The following MYH9 variants were observed in gnomAD, a reference collection of about 807,000 sequenced individuals.
MYH9 encodes myosin heavy chain 9, also known as myosin-9.
In MYH9, 29 loss-of-function variants were observed where a neutral mutation model predicts 241.9. The observed-to-expected ratio is 0.12, with a 90% CI of 0.09 to 0.16. MYH9 has a LOEUF of 0.16. Ranked by LOEUF, MYH9 falls within the 10% of genes least tolerant of loss-of-function variation. MYH9 has a pLI of 1.00. For synonymous variants in MYH9, 1,047 were observed against 1,062.6 expected (o/e 0.99, Z 0.29); for missense variants, 1,803 against 2,595.5 (o/e 0.69, Z 6.63).
chr22:36,339,260 A>G (rs2017546405), intron 3 of MYH9, among the ~76,000 whole-genome samples: 1 of 152,190 alleles, frequency 6.6e-6, no homozygotes, highest in Non-Finnish European at 1.5e-5. Context: ...ATCCCAATCC[A>G]GGATCCAAGT....
chr22:36,327,578 G>C (rs1266638859), intron 3 of MYH9, 90 bp from the exon 4 acceptor site: 7 of 1,453,590 alleles, frequency 4.8e-6, no homozygotes, highest in Non-Finnish European at 6.7e-6. Context: ...CCCAGACAGG[G>C]AGCACAGTGT....
At chr22:36,331,732 C>A (rs1032877136) in intron 3 of MYH9, among the ~76,000 whole-genome samples, 6 of 152,240 alleles carry the variant, frequency 3.9e-5, no homozygotes, top group Non-Finnish European at 7.3e-5. Flanking sequence ...CAAGATCACA[C>A]CTCCCGAGGT....
rs1048122512 is a variant in MYH9, at chr22:36,296,787, A to G, written c.3272+56T>C. On this transcript the variant is annotated intron_variant, in intron 25 of 40. Transcript: ENST00000216181. ...GTGCCGAGAACTAGGGCCAGCAGCA[A>G]GCAGGAAGGGCTGGCCCAGGCCACC... The G allele has an allele frequency of 5.9e-6, 9 of 1,536,758 alleles. No individual in the cohort carries two copies. In the African/African-American group the frequency reaches 1.1e-4, roughly 19 times the overall value.
chr22:36,328,425 C>T (rs1340962061), intron 3 of MYH9, among the ~76,000 whole-genome samples: 2 of 152,192 alleles, frequency 1.3e-5, no homozygotes, highest in Admixed American at 1.3e-4. Context: ...TTTTATCCCG[C>T]CCCATCTAAT....
At chr22:36,287,602 C>T (rs1166978195) in intron 34 of MYH9, among the ~76,000 whole-genome samples, 1 of 152,092 alleles carries the variant, frequency 6.6e-6, no homozygotes, top group Non-Finnish European at 1.5e-5. Context: ...ATTAGCCGGG[C>T]GTGGCGGCGT....
chr22:36,318,121 A>G, intron 11 of MYH9, 86 bp downstream of exon 11: 1 of 1,175,282 alleles, frequency 8.5e-7, no homozygotes. Flanking sequence ...CGGACACCCC[A>G]GGATGGCCCA....
At position 36,296,916 on chromosome 22, in the gene MYH9, G is replaced by T. The variant is rs2016797192; in HGVS notation, c.3199C>A (p.Leu1067Ile). Residue 1067 changes from leucine (L) to isoleucine (I), a missense_variant, in exon 25 of 41, where the codon CTC (leucine) becomes ATC (isoleucine). By Grantham distance (5) the Leu-to-Ile change is conservative (BLOSUM62 2). Transcript: ENST00000216181. ...STDLSDQIAE[L>I]QAQIAELKMQ... ...TTGAGCTCCGCGATCTGGGCCTGGA[G>T]CTCGGCGATCTGGTCGCTGAGGTCT... 1 of 1,613,924 alleles carries T rather than the reference G, an allele frequency of 6.2e-7. No individual in the cohort carries two copies. Among genetic ancestry groups the T allele is most frequent in the Non-Finnish European group, 8.5e-7 (1 of 1,179,970 alleles).
chr22:36,313,978 C>T (rs1172526510), intron 13 of MYH9, among the ~76,000 whole-genome samples, 167 bp downstream of exon 13: 1 of 152,334 alleles, frequency 6.6e-6, no homozygotes, highest in African/African-American at 2.4e-5. Context: ...CCACCCAGGC[C>T]TCCCAGGCAC....
chr22:36,307,623 C>T (rs1371939161), intron 15 of MYH9, among the ~76,000 whole-genome samples: 1 of 152,182 alleles, frequency 6.6e-6, no homozygotes, highest in Non-Finnish European at 1.5e-5. Context: ...CATGGTGGCT[C>T]GCGCCTGTAA....
In MYH9 at chr22:36,288,689, C is replaced by A; in HGVS notation, c.4770+38G>T. On this transcript the variant is annotated intron_variant, in intron 33 of 40. Coordinates refer to ENST00000216181, the MANE Select transcript of MYH9 (RefSeq NM_002473.6). The surrounding 1 kb of genome is among the most constrained non-coding windows in gnomAD (Gnocchi z 4.8). ...AGAAGCCTGCGTGAAGCCAAGGCAG[C>A]CTTGGGCACCCATGGGGTAGCAGGA... 1 of 1,598,784 alleles carries A rather than the reference C, an allele frequency of 6.3e-7. No individual in the cohort carries two copies. Among genetic ancestry groups the A allele is most frequent in the South Asian group, 1.1e-5 (1 of 91,044 alleles).
chr22:36,289,651 C>T (rs1448392404), intron 31 of MYH9, among the ~76,000 whole-genome samples: 1 of 152,228 alleles, frequency 6.6e-6, no homozygotes, highest in African/African-American at 2.4e-5. Context: ...ATTTGGTTGG[C>T]ACTTTTCACG....
chr22:36,376,715 C>T (rs1177676444), intron 1 of MYH9, among the ~76,000 whole-genome samples: 3 of 152,214 alleles, frequency 2.0e-5, no homozygotes, highest in Non-Finnish European at 4.4e-5. Context: ...GAAGAGGTCA[C>T]TAACCGGCAT....
At chr22:36,336,641 AACCG>A (rs1482418302) in intron 3 of MYH9, among the ~76,000 whole-genome samples, 1 of 152,218 alleles carries the variant, frequency 6.6e-6, no homozygotes, top group East Asian at 1.9e-4. Flanking sequence ...CAGGAGGGTG[AACCG>A]ACCATGTCAC....
intron 24 of MYH9, among the ~76,000 whole-genome samples, chr22:36,298,079 T>C (rs1006942379): frequency 4.5e-4 from 69 of 152,228 alleles, no homozygotes; most frequent in African/African-American, 1.6e-3. Flanking sequence ...TCTCTCTGTG[T>C]CCGGACCTCT....
Position 36,349,021 on chromosome 22 carries a change from G to T in MYH9, c.216C>A (p.Ile72=). 8 of 1,614,200 alleles carry T rather than the reference G, an allele frequency of 5.0e-6. No homozygotes were observed. Among genetic ancestry groups the T allele is most frequent in the Non-Finnish European group, 6.8e-6 (8 of 1,180,026 alleles). The change falls in exon 2 of 41, where the codon ATC becomes ATA. Residue 72 remains isoleucine (I), a synonymous_variant. Coordinates refer to ENST00000216181, the MANE Select transcript of MYH9 (RefSeq NM_002473.6). ...GKKVKVNKDD[I]QKMNPPKFSK... is the part of the protein sequence containing the mutation. The stretch of plus-strand genomic sequence containing the variant: ...AGAACTTGGGCGGGTTCATCTTCTG[G>T]ATGTCATCCTTGTTCACCTTCACCT...
Position 36,285,640 on chromosome 22 carries a change from A to G in MYH9, c.5274+18T>C. On this transcript the variant is annotated intron_variant, in intron 37 of 40. Transcript: ENST00000216181. This position sits in a 1 kb window ranked among gnomAD's most constrained non-coding sequence, Gnocchi z 7.0. ...GGCTCCAGCCAGAGCCCAGAGTGGG[A>G]GAAGTCCTGGCACCCACCTGCAGGT... is the stretch of plus-strand genomic sequence containing the variant. 6.2e-7 allele frequency: 1 copy of G among 1,611,750 alleles called. No individual in the cohort carries two copies. Among genetic ancestry groups the G allele is most frequent in the Non-Finnish European group, 8.5e-7 (1 of 1,179,996 alleles).
In MYH9 at chr22:36,319,560, G is replaced by A. The variant is rs1569535936; in HGVS notation, c.1088C>T (p.Ala363Val). 1.2e-6 allele frequency: 2 copies of A among 1,614,150 alleles called. No homozygotes were observed. Among genetic ancestry groups the A allele is most frequent in the East Asian group, 2.2e-5 (1 of 44,888 alleles). The change falls in exon 10 of 41, where the codon GCG becomes GTG. Residue 363 changes from alanine (A) to valine (V), a missense_variant. Coordinates refer to ENST00000216181, the MANE Select transcript of MYH9 (RefSeq NM_002473.6). Reference protein sequence around the residue: ...VFKKERNTDQASMPDNTAAQK... With the variant: ...VFKKERNTDQVSMPDNTAAQK... The stretch of plus-strand genomic sequence containing the variant: ...GTTACCTGTGTTGTCGGGCATGGAC[G>A]CCTGGTCAGTGTTCCGCTCCTTCTT...
intron 3 of MYH9, among the ~76,000 whole-genome samples, chr22:36,328,331 GTT>G (rs2017367668): frequency 6.6e-6 from 1 of 152,230 alleles, no homozygotes; most frequent in South Asian, 2.1e-4. Context: ...TGAAAGCTAA[GTT>G]TGCCAGAAAC....
chr22:36,286,330 C>T (rs1026669493), intron 35 of MYH9, among the ~76,000 whole-genome samples: 1 of 152,068 alleles, frequency 6.6e-6, no homozygotes, highest in African/African-American at 2.4e-5. Flanking sequence ...ACACCCTGGA[C>T]GCACTCGCAG....
Sources: allele counts gnomAD v4.1 joint callset (sites outside exome capture counted in the v4.1 genomes callset), GRCh38; gene constraint gnomAD v4.1.1; non-coding constraint Gnocchi (gnomAD v3.1); transcripts MANE v1.5; gene names NCBI Gene and HGNC (gene_info 2026-07-23, HGNC 2026-07-21).